Variants in AFF3 observed in about 807,000 individuals in gnomAD.
AFF3 encodes the protein AF4/FMR2 family member 3.
Under a neutral mutation model 129.7 loss-of-function variants are expected in AFF3, and 32 were observed. That is an observed-to-expected ratio of 0.25 (90% CI 0.19 to 0.33). The LOEUF is 0.33. Ranked by LOEUF, AFF3 falls within the 10% of genes least tolerant of loss-of-function variation. The pLI is 1.00. For missense variants in AFF3, 1,373 were observed against 1,592.0 expected, an observed-to-expected ratio of 0.86 and a Z score of 2.34; for synonymous variants, 644 against 635.4, an observed-to-expected ratio of 1.01 and a Z score of -0.20.
chr2:99,810,396 G>C (rs1686695706), intron 8 of AFF3, among the ~76,000 whole-genome samples: 1 of 152,230 alleles, frequency 6.6e-6, no homozygotes, highest in African/African-American at 2.4e-5. Context: ...GTGTCAGGCA[G>C]TCAACAAGTA....
rs6719933 is a variant in AFF3, at chr2:99,647,512, G to A, written c.1184+2114C>T. Among the ~76,000 whole-genome samples, 1,502 of 152,302 alleles carry A rather than the reference G, an allele frequency of 9.9e-3. 24 individuals carry two copies. The highest frequency in any genetic ancestry group is 0.035 in the African/African-American group (1,445 of 41,564). On this transcript the variant is annotated intron_variant, in intron 13 of 24. Coordinates refer to ENST00000672756, the MANE Select transcript of AFF3 (RefSeq NM_001386135.1). ...GGTGTCAGGGGAGGGATAACATCAA[G>A]AAGAACAGCTAATAGATGCTGGGCT...
At chr2:100,036,645 TTAAAGA>T (rs1365302391) in intron 4 of AFF3, among the ~76,000 whole-genome samples, 2 of 151,486 alleles carry the variant, frequency 1.3e-5, no homozygotes, top group African/African-American at 4.8e-5. Flanking sequence ...AGTTACAAAA[TTAAAGA>T]TAAACTAGGA....
At chr2:99,986,412 T>C (rs948770683) in intron 7 of AFF3, among the ~76,000 whole-genome samples, 1 of 151,924 alleles carries the variant, frequency 6.6e-6, no homozygotes, top group African/African-American at 2.4e-5. Context: ...TATCAAGTCA[T>C]AAGTTTCACT....
At chr2:100,075,917 C>A (rs576175743) in intron 4 of AFF3, among the ~76,000 whole-genome samples, 33 of 152,146 alleles carry the variant, frequency 2.2e-4, no homozygotes, top group Non-Finnish European at 4.7e-4. Flanking sequence ...GACCTGGCTA[C>A]TTAAGACACA....
At chr2:99,828,423 C>G (rs561536138) in intron 8 of AFF3, among the ~76,000 whole-genome samples, 3 of 152,194 alleles carry the variant, frequency 2.0e-5, no homozygotes, top group Non-Finnish European at 4.4e-5. Flanking sequence ...AGACCTCCAG[C>G]ACTGGCTGCT....
At chr2:99,978,396 A>G (rs894925295) in intron 7 of AFF3, among the ~76,000 whole-genome samples, 2 of 152,222 alleles carry the variant, frequency 1.3e-5, no homozygotes, top group African/African-American at 4.8e-5. Context: ...GCCAATGCCT[A>G]AATTATTTAT....
chr2:99,557,201 T>A lies in AFF3; in HGVS notation c.3285+1674A>T, dbSNP rs114293625. Among the ~76,000 whole-genome samples, 613 of 152,112 alleles carry A rather than the reference T, an allele frequency of 4.0e-3. 3 individuals carry two copies. Among genetic ancestry groups the A allele is most frequent in the African/African-American group, 0.014 (562 of 41,502 alleles). ...ATTTGTTGTTGATTAATTAAAAAAATTTTAAAAATAGCTTTTGATGAAGGG... is the reference window on the plus strand; with the variant it reads ...ATTTGTTGTTGATTAATTAAAAAAAATTTAAAAATAGCTTTTGATGAAGGG... On this transcript the variant is annotated intron_variant, in intron 22 of 24. Coordinates refer to ENST00000672756, the MANE Select transcript of AFF3 (RefSeq NM_001386135.1).
At chr2:99,882,379 T>A (rs900148997) in intron 7 of AFF3, among the ~76,000 whole-genome samples, 2 of 152,188 alleles carry the variant, frequency 1.3e-5, no homozygotes, top group Non-Finnish European at 2.9e-5. Flanking sequence ...TGCAGAAATA[T>A]CCCAGAGGGA....
intron 7 of AFF3, among the ~76,000 whole-genome samples, chr2:99,852,184 AAGTCCTAG>A (rs1302906742): frequency 3.3e-5 from 5 of 150,974 alleles, no homozygotes; most frequent in Non-Finnish European, 5.9e-5. Context: ...TTTAAAAGGA[AAGTCCTAG>A]AGTCAGCCCT....
rs529885705 is a variant in AFF3, at chr2:99,756,633, T to C, written c.922-4332A>G. Among the ~76,000 whole-genome samples the C allele has an allele frequency of 2.6e-5, 4 of 152,282 alleles. No individual in the cohort carries two copies. In the South Asian group the frequency reaches 6.2e-4, roughly 24 times the overall value. On this transcript the variant is annotated intron_variant, in intron 8 of 24. Transcript: ENST00000672756. Reference sequence around the variant, plus strand: ...AATCTTTCCTTCTCCACTGGCTTTTTCCCCCAAGACTGACAAATGATCTCA... The same window carrying C: ...AATCTTTCCTTCTCCACTGGCTTTTCCCCCCAAGACTGACAAATGATCTCA...
chr2:100,130,806 G>C (rs1487917969), intron 1 of AFF3, among the ~76,000 whole-genome samples: 1 of 152,068 alleles, frequency 6.6e-6, no homozygotes, highest in Admixed American at 6.5e-5. Context: ...CACAGAGACA[G>C]AGACACTAGC....
chr2:99,565,754 A>G (rs188417540), intron 19 of AFF3, 131 bp from the exon 20 acceptor site: 264 of 1,022,256 alleles, frequency 2.6e-4, no homozygotes, highest in Non-Finnish European at 3.5e-4. Flanking sequence ...TGAGAGAAGA[A>G]AGAAATAGAA....
chr2:99,842,981 G>T (rs1336371060), intron 7 of AFF3, among the ~76,000 whole-genome samples: 1 of 152,170 alleles, frequency 6.6e-6, no homozygotes. Flanking sequence ...AAATCACAAT[G>T]CCTTTGTTTA....
At chr2:99,914,438 T>C (rs1397232690) in intron 7 of AFF3, among the ~76,000 whole-genome samples, 1 of 152,138 alleles carries the variant, frequency 6.6e-6, no homozygotes, top group African/African-American at 2.4e-5. Context: ...ATGCATGAGC[T>C]TGAAGTGGAT....
intron 8 of AFF3, among the ~76,000 whole-genome samples, chr2:99,814,377 G>T (rs2105616149): frequency 6.6e-6 from 1 of 152,286 alleles, no homozygotes; most frequent in African/African-American, 2.4e-5. Context: ...TATACTGGAT[G>T]TGAACTGCAC....
intron 4 of AFF3, among the ~76,000 whole-genome samples, chr2:100,018,700 C>T (rs540866002): frequency 6.6e-6 from 1 of 152,018 alleles, no homozygotes; most frequent in African/African-American, 2.4e-5. Flanking sequence ...CCATCTTCTC[C>T]TTGGTAGAAT....
intron 11 of AFF3, among the ~76,000 whole-genome samples, chr2:99,680,988 T>A (rs79688217): frequency 0.027 from 4,053 of 152,330 alleles, 89 homozygotes; most frequent in South Asian, 0.04. Context: ...CTTTAAAAAT[T>A]ATTGATGCCC....
chr2:100,021,486 T>G (rs866819129), intron 4 of AFF3, among the ~76,000 whole-genome samples: 51 of 152,364 alleles, frequency 3.3e-4, no homozygotes, highest in African/African-American at 1.1e-3. Context: ...CACACAGAAC[T>G]AAACCCCATT....
intron 8 of AFF3, among the ~76,000 whole-genome samples, chr2:99,789,050 C>T (rs1336538737): frequency 1.3e-5 from 2 of 152,124 alleles, no homozygotes; most frequent in Admixed American, 6.5e-5. Flanking sequence ...AATGAAATGG[C>T]CTAACGACAC....
Sources: allele counts gnomAD v4.1 joint callset (sites outside exome capture counted in the v4.1 genomes callset), GRCh38; gene constraint gnomAD v4.1.1; transcripts MANE v1.5; gene names NCBI Gene and HGNC (gene_info 2026-07-23, HGNC 2026-07-21).